The following LARP1 variants were observed in gnomAD, a reference collection of about 807,000 sequenced individuals.
The protein encoded by LARP1 is la-related protein 1.
LARP1 carries 36 observed loss-of-function variants against 122.7 expected under a neutral mutation model. The ratio of observed to expected loss-of-function variants is 0.29; its 90% CI spans 0.22 to 0.39. The LOEUF (loss-of-function observed/expected upper bound fraction) is 0.39. LARP1 is among the 10% of genes least tolerant of loss of function. The pLI is 1.00. For missense variants in LARP1, 1,040 were observed against 1,403.6 expected, an observed-to-expected ratio of 0.74 and a Z score of 4.14; for synonymous variants, 539 against 528.7, an observed-to-expected ratio of 1.02 and a Z score of -0.27.
intron 1 of LARP1, among the ~76,000 whole-genome samples, chr5:154,696,174 C>T (rs1243302816): frequency 1.3e-5 from 2 of 151,868 alleles, no homozygotes; most frequent in Admixed American, 6.6e-5. Context: ...CAGGGTAACA[C>T]GGAGAAACAC....
At chr5:154,757,936 T>G (rs1013950825) in intron 1 of LARP1, among the ~76,000 whole-genome samples, 14 of 142,000 alleles carry the variant, frequency 9.9e-5, no homozygotes, top group Admixed American at 8.4e-4. Flanking sequence ...TCCAGAGCCC[T>G]TTTATGCAAA....
intron 1 of LARP1, 129 bp from the exon 2 acceptor site, chr5:154,790,196 A>G: frequency 1.4e-6 from 1 of 690,174 alleles, no homozygotes; most frequent in Non-Finnish European, 2.5e-6. Context: ...TCCCCTCTCT[A>G]CTGTGTCTTT....
intron 1 of LARP1, among the ~76,000 whole-genome samples, chr5:154,743,311 TA>T (rs1241401042): frequency 4.5e-5 from 5 of 111,814 alleles, no homozygotes; most frequent in African/African-American, 1.5e-4. Flanking sequence ...TATTCTTATT[TA>T]TTTATTTTTT....
intron 1 of LARP1, among the ~76,000 whole-genome samples, chr5:154,698,395 G>A (rs1052934760): frequency 2.0e-5 from 3 of 152,074 alleles, no homozygotes; most frequent in Non-Finnish European, 4.4e-5. Flanking sequence ...TCAGGAGTTC[G>A]AGACCAGCCT....
chr5:154,788,528 C>T (rs1307634523), intron 1 of LARP1, among the ~76,000 whole-genome samples: 3 of 152,164 alleles, frequency 2.0e-5, no homozygotes, highest in Admixed American at 2.0e-4. Context: ...AATTTCTCTG[C>T]TGCTCGGGGT....
Position 154,756,075 on chromosome 5 carries a change from C to A in LARP1, c.318C>A (p.Ala106=). ...AGCCAGGCGCTGGCGGAGGAGCTGC[C>A]GGAGCCGCGGGCGCGGGGCGCCGGG... is the stretch of plus-strand genomic sequence containing the variant. ...GGEPGAGGGA[A]GAAGAGRRDF... The change falls in exon 1 of 19, where the codon GCC becomes GCA. Residue 106 remains alanine (A), a synonymous_variant. Coordinates refer to ENST00000518297, the MANE Select transcript of LARP1 (RefSeq NM_033551.3). 1 of 1,147,470 alleles carries A rather than the reference C, an allele frequency of 8.7e-7. No individual in the cohort carries two copies. 71.1% of individuals were successfully genotyped at this position (1,147,470 alleles called of 1,614,324 possible). A position where few individuals can be genotyped will look rare whatever the true frequency, so the allele number is the denominator to read the frequency against.
chr5:154,695,755 C>CTTGG (rs1754442927), intron 1 of LARP1, among the ~76,000 whole-genome samples: 1 of 152,118 alleles, frequency 6.6e-6, no homozygotes, highest in Non-Finnish European at 1.5e-5. Context: ...TACCTGTAAT[C>CTTGG]CCAGCTACTT....
intron 1 of LARP1, among the ~76,000 whole-genome samples, chr5:154,766,399 C>T (rs1290465362): frequency 6.6e-6 from 1 of 152,212 alleles, no homozygotes; most frequent in African/African-American, 2.4e-5. Flanking sequence ...AGCAAATTTC[C>T]AAGTCACTCC....
intron 1 of LARP1, among the ~76,000 whole-genome samples, chr5:154,774,347 C>G (rs1755686488): frequency 6.6e-6 from 1 of 152,180 alleles, no homozygotes; most frequent in Non-Finnish European, 1.5e-5. Context: ...CAGGGAGTAG[C>G]AGCTATGGCA....
intron 1 of LARP1, among the ~76,000 whole-genome samples, chr5:154,738,587 G>A (rs985765443): frequency 1.3e-5 from 2 of 151,626 alleles, no homozygotes; most frequent in Middle Eastern, 6.8e-3. Context: ...GCGAGACTCC[G>A]TCTCAAAAAA....
At chr5:154,727,592 C>T (rs1756303737) in intron 1 of LARP1, among the ~76,000 whole-genome samples, 1 of 152,036 alleles carries the variant, frequency 6.6e-6, no homozygotes, top group Non-Finnish European at 1.5e-5. Context: ...AATGTGGTGA[C>T]TAAAGTTAGC....
chr5:154,687,070 A>G (rs1753972261), intron 1 of LARP1, among the ~76,000 whole-genome samples: 1 of 152,252 alleles, frequency 6.6e-6, no homozygotes, highest in South Asian at 2.1e-4. Context: ...GTCTGGGGGA[A>G]GATGGACGGT....
chr5:154,716,819 C>T (rs774642696), intron 1 of LARP1, among the ~76,000 whole-genome samples: 4 of 151,904 alleles, frequency 2.6e-5, no homozygotes, highest in African/African-American at 7.2e-5. Flanking sequence ...CAGCACTTTG[C>T]GGGGCTAAGG....
intron 1 of LARP1, among the ~76,000 whole-genome samples, chr5:154,782,798 G>A (rs1756569496): frequency 6.6e-6 from 1 of 152,234 alleles, no homozygotes; most frequent in Admixed American, 6.5e-5. Context: ...AGGCCTCTGA[G>A]AGATGGTACC....
At chr5:154,778,534 C>T (rs942218170) in intron 1 of LARP1, among the ~76,000 whole-genome samples, 2 of 152,102 alleles carry the variant, frequency 1.3e-5, no homozygotes, top group Admixed American at 6.5e-5. Flanking sequence ...ATCTTAATAG[C>T]TTATCCTGGA....
At chr5:154,755,190 A>G (rs1047753779), upstream of LARP1, among the ~76,000 whole-genome samples, 1 of 149,828 alleles carries the variant, frequency 6.7e-6, no homozygotes, top group Non-Finnish European at 1.5e-5. Flanking sequence ...GGCGAGGGGC[A>G]GGACCGCGTA....
chr5:154,810,619 C>A (rs13182057), intron 16 of LARP1, among the ~76,000 whole-genome samples: 1 of 151,928 alleles, frequency 6.6e-6, no homozygotes, highest in Non-Finnish European at 1.5e-5. Flanking sequence ...TCCCGAGTAG[C>A]TGAGATTACA....
chr5:154,796,374 G>GT (rs1441109247), intron 8 of LARP1, among the ~76,000 whole-genome samples: 4 of 151,108 alleles, frequency 2.6e-5, no homozygotes, highest in South Asian at 2.1e-4. Flanking sequence ...CAAGACCTGT[G>GT]TATTGTCTTA....
At chr5:154,693,120 TG>T (rs1346893523) in intron 1 of LARP1, among the ~76,000 whole-genome samples, 13 of 151,602 alleles carry the variant, frequency 8.6e-5, no homozygotes, top group Non-Finnish European at 1.9e-4. Context: ...CCACTGTGAC[TG>T]GTCACAAGCA....
Sources: gnomAD v4.1 joint callset for allele counts (sites outside exome capture counted in the v4.1 genomes callset) on GRCh38, gnomAD v4.1.1 for gene constraint, MANE v1.5 for transcripts, NCBI Gene and HGNC (gene_info 2026-07-23, HGNC 2026-07-21) for gene names.